The following IFNLR1 variants were observed in gnomAD, a reference collection of about 807,000 sequenced individuals.
IFNLR1 encodes interferon lambda receptor 1.
In IFNLR1, 28 loss-of-function variants were observed where a neutral mutation model predicts 52.5. The ratio of observed to expected loss-of-function variants is 0.53; its 90% CI spans 0.40 to 0.73. IFNLR1 has a LOEUF of 0.73. IFNLR1 is among the 30% of genes least tolerant of loss of function. IFNLR1 has a pLI of 0.00. For synonymous variants in IFNLR1, 276 were observed against 274.9 expected, an observed-to-expected ratio of 1.00 and a Z score of -0.04; for missense variants, 623 against 659.1, an observed-to-expected ratio of 0.95 and a Z score of 0.60.
chr1:24,180,210 T>A (rs981480134), intron 2 of IFNLR1, among the ~76,000 whole-genome samples: 3 of 149,630 alleles, frequency 2.0e-5, no homozygotes, highest in African/African-American at 7.4e-5. Flanking sequence ...GGCAGGAGAA[T>A]CACTTGAACC....
At chr1:24,163,289 G>A (rs1031335778) in intron 3 of IFNLR1, among the ~76,000 whole-genome samples, 15 of 152,008 alleles carry the variant, frequency 9.9e-5, no homozygotes, top group Non-Finnish European at 1.3e-4. Context: ...ACACACTCCC[G>A]CAAGACTGAC....
chr1:24,157,275 G>T lies in IFNLR1; in HGVS notation c.1418C>A (p.Thr473Asn). The change falls in exon 7 of 7, where the codon ACC becomes AAC. Residue 473 changes from threonine (T) to asparagine (N), a missense_variant. Coordinates refer to ENST00000327535, the MANE Select transcript of IFNLR1 (RefSeq NM_170743.4). The surrounding 1 kb of genome is among the most constrained non-coding windows in gnomAD (Gnocchi z 5.1). ...GGPPVSLQTLTFCWESSPEEE... is the reference protein window; with the variant it reads ...GGPPVSLQTLNFCWESSPEEE... The stretch of plus-strand genomic sequence containing the variant: ...CTCAGGGCTGCTTTCCCAGCAGAAG[G>T]TCAGTGTCTGAAGAGAAACTGGGGG... 1.2e-6 allele frequency: 2 copies of T among 1,614,154 alleles called. No homozygotes were observed. The highest frequency in any genetic ancestry group is 1.1e-5 in the South Asian group (1 of 91,086).
At position 24,169,441 on chromosome 1, in the gene IFNLR1, C is replaced by T. The variant is rs749110353; in HGVS notation, c.343G>A (p.Glu115Lys). Residue 115 changes from glutamate to lysine, a missense_variant, in exon 3 of 7, where the codon GAA becomes AAA. Coordinates refer to ENST00000327535, the MANE Select transcript of IFNLR1 (RefSeq NM_170743.4). ...CCTTCAAAAAGGTAATCCAGGTATT[C>T]GGACTCCACCCAGGGGGACTTGGAG... is the stretch of plus-strand genomic sequence containing the variant. ...PSSKSPWVES[E>K]YLDYLFEVEP... 21 of 1,613,988 alleles carry T rather than the reference C, an allele frequency of 1.3e-5. No individual in the cohort carries two copies. Among genetic ancestry groups the T allele is most frequent in the African/African-American group, 1.2e-4 (9 of 74,926 alleles).
Position 24,159,507 on chromosome 1 carries a change from A to G in IFNLR1, c.637T>C (p.Ser213Pro). ...TCCAGCAAGAAGCAGGTGGGCTTAG[A>G]GAACTTGCTGTATTTCGGGACACTG... is the stretch of plus-strand genomic sequence containing the variant. ...TFSVPKYSKF[S>P]KPTCFLLEVP... The change falls in exon 5 of 7, where the codon TCT (serine) becomes CCT (proline). Residue 213 changes from serine to proline, a missense_variant. By Grantham distance (74) the Ser-to-Pro change is moderately conservative. Coordinates refer to ENST00000327535, the MANE Select transcript of IFNLR1 (RefSeq NM_170743.4). 6.2e-7 allele frequency: 1 copy of G among 1,614,192 alleles called. No individual in the cohort carries two copies. The highest frequency in any genetic ancestry group is 8.5e-7 in the Non-Finnish European group (1 of 1,180,032).
chr1:24,158,510 C>T (rs756492050), intron 6 of IFNLR1, among the ~76,000 whole-genome samples: 10 of 152,174 alleles, frequency 6.6e-5, no homozygotes, highest in Non-Finnish European at 1.2e-4. Context: ...CCATGCCCAT[C>T]GGAGCCTCGC....
chr1:24,159,996 C>T (rs371617135), intron 4 of IFNLR1, among the ~76,000 whole-genome samples: 26 of 152,338 alleles, frequency 1.7e-4, no homozygotes, highest in African/African-American at 6.3e-4. Flanking sequence ...GATCCTCCCT[C>T]CTTGCCTGAA....
At chr1:24,171,055 G>A (rs1410570759) in intron 2 of IFNLR1, among the ~76,000 whole-genome samples, 3 of 152,174 alleles carry the variant, frequency 2.0e-5, no homozygotes, top group East Asian at 3.9e-4. Context: ...CAATACTAAA[G>A]ATGAAAAGAA....
At chr1:24,162,880 C>CTTTCTTTCTTTCT (rs1557644382) in intron 3 of IFNLR1, among the ~76,000 whole-genome samples, 15 of 20,156 alleles carry the variant, frequency 7.4e-4, no homozygotes, top group African/African-American at 1.1e-3. Flanking sequence ...TCTTTCTTTC[C>CTTTCTTTCTTTCT]TTCCTTCCTT....
intron 3 of IFNLR1, 150 bp downstream of exon 3, chr1:24,169,267 C>T (rs1644552554): frequency 4.4e-6 from 3 of 689,354 alleles, no homozygotes; most frequent in African/African-American, 1.8e-5. Context: ...TGGTCCCACA[C>T]CCCATCTCAA....
chr1:24,180,638 C>T (rs1644679844), intron 2 of IFNLR1, 93 bp downstream of exon 2: 4 of 1,296,180 alleles, frequency 3.1e-6, no homozygotes, highest in Non-Finnish European at 4.4e-6. Flanking sequence ...GCCAGTGCTG[C>T]CCACACTGGG....
At chr1:24,162,779 T>TCC (rs1557643939) in intron 3 of IFNLR1, among the ~76,000 whole-genome samples, 1 of 14,758 alleles carries the variant, frequency 6.8e-5, no homozygotes, top group African/African-American at 2.7e-4. Context: ...TTTCTTTCTT[T>TCC]TTCTTTCTTT....
rs1352033907 is a variant in IFNLR1, at chr1:24,159,621, C to A, written c.523G>T (p.Val175Phe). 6.2e-7 allele frequency: 1 copy of A among 1,613,642 alleles called. No individual in the cohort carries two copies. Among genetic ancestry groups the A allele is most frequent in the South Asian group, 1.1e-5 (1 of 91,066 alleles). ...TGGACTGGCTGGCCATGGGGAGTGA[C>A]TGGAAATAGGGTCTGTTTGGAAAAG... ...EGAGNKTLFP[V>F]TPHGQPVQIT... Residue 175 changes from valine to phenylalanine, a missense_variant, in exon 5 of 7, where the codon GTC (valine) becomes TTC (phenylalanine). Physicochemically the swap from Val to Phe is conservative, Grantham distance 50. Transcript: ENST00000327535.
rs1553162248 is a variant in IFNLR1, at chr1:24,162,917, T to TTTC, written c.368-1234_368-1233insGAA. On this transcript the variant is annotated intron_variant, in intron 3 of 6. Transcript: ENST00000327535. ...CTTCCTTCCTTCCTTCCTTCCTTCCTTTTCTTTCTTTTCTTTCTTTCTCTT... is the reference window on the plus strand; with the variant it reads ...CTTCCTTCCTTCCTTCCTTCCTTCCTTTCTTTCTTTCTTTTCTTTCTTTCTCTT... Among the ~76,000 whole-genome samples, 461 of 87,808 alleles carry TTTC rather than the reference T, an allele frequency of 5.3e-3. 13 individuals are homozygous for TTTC. The highest frequency in any genetic ancestry group is 0.015 in the Middle Eastern group (3 of 204). The allele number at this position is 87,808 out of a possible 152,430, so 57.6% of individuals were successfully genotyped here.
chr1:24,181,395 G>A (rs946354787), intron 1 of IFNLR1, among the ~76,000 whole-genome samples: 3 of 152,150 alleles, frequency 2.0e-5, no homozygotes, highest in South Asian at 2.1e-4. Context: ...TAAGAACTTC[G>A]AGGCATCTCT....
Position 24,155,714 on chromosome 1 carries a change from G to A in IFNLR1, c.*1416C>T, listed in dbSNP as rs2148582463. The A allele has an allele frequency of 6.6e-6, 1 of 152,328 alleles. No homozygotes were observed. Among genetic ancestry groups the A allele is most frequent in the South Asian group, 2.1e-4 (1 of 4,826 alleles). 9.4% of individuals were successfully genotyped at this position (152,328 alleles called of 1,614,324 possible). A position where few individuals can be genotyped will look rare whatever the true frequency, so the allele number is the denominator to read the frequency against. On this transcript the variant is annotated 3_prime_UTR_variant, in exon 7 of 7. Coordinates refer to ENST00000327535, the MANE Select transcript of IFNLR1 (RefSeq NM_170743.4). ...GGCTTTAAAGCAACACAGCTCTGTG[G>A]GTTCAATGGCTTTGAAGATCCCTTC... is the stretch of plus-strand genomic sequence containing the variant.
At chr1:24,162,899 C>T (rs555633512) in intron 3 of IFNLR1, among the ~76,000 whole-genome samples, 11 of 86,300 alleles carry the variant, frequency 1.3e-4, no homozygotes, top group African/African-American at 5.7e-4. Context: ...TTCCTTCCTT[C>T]CTTCCTTCCT....
intron 2 of IFNLR1, among the ~76,000 whole-genome samples, chr1:24,170,052 A>G (rs1569666305): frequency 6.6e-6 from 1 of 152,212 alleles, no homozygotes; most frequent in East Asian, 1.9e-4. Context: ...CAACCTGGAT[A>G]CTTCAGAGAG....
intron 1 of IFNLR1, among the ~76,000 whole-genome samples, chr1:24,184,309 T>G (rs1644717389): frequency 6.6e-6 from 1 of 152,228 alleles, no homozygotes. Context: ...TCCCTTTAAC[T>G]GACCTCTATT....
chr1:24,178,353 C>G (rs1045461443), intron 2 of IFNLR1, among the ~76,000 whole-genome samples: 6 of 151,918 alleles, frequency 3.9e-5, no homozygotes, highest in Non-Finnish European at 8.8e-5. Context: ...CTGAAAACAC[C>G]AAAAGCAATA....
Sources: gnomAD v4.1 joint callset for allele counts (sites outside exome capture counted in the v4.1 genomes callset) on GRCh38, gnomAD v4.1.1 for gene constraint, Gnocchi (gnomAD v3.1) non-coding constraint, MANE v1.5 for transcripts, NCBI Gene and HGNC (gene_info 2026-07-23, HGNC 2026-07-21) for gene names.